Variants in TEN1 observed in about 807,000 individuals in gnomAD.
TEN1 encodes the protein CST complex subunit TEN1.
In TEN1, 6 loss-of-function variants were observed where a neutral mutation model predicts 9.3. That is an observed-to-expected ratio of 0.65 (90% confidence interval 0.35 to 1.27). The LOEUF (loss-of-function observed/expected upper bound fraction) is 1.27, where lower values mean the gene tolerates loss of function less well. Among genes scored for constraint, TEN1 ranks in the 50% most tolerant of loss-of-function variants. The pLI, the probability that TEN1 is intolerant of heterozygous loss-of-function variation, is 0.03. For missense variants in TEN1, 149 were observed against 158.2 expected (o/e 0.94, Z 0.31); for synonymous variants, 65 against 65.6 (o/e 0.99, Z 0.04).
intron 3 of TEN1, among the ~76,000 whole-genome samples, chr17:75,997,767 A>G (rs1438843053): frequency 6.6e-6 from 1 of 151,994 alleles, no homozygotes; most frequent in Non-Finnish European, 1.5e-5. Context: ...TGCTCCGTAT[A>G]ACCCCTTCCT....
chr17:75,979,865 T>TA (rs2066103023), intron 1 of TEN1, among the ~76,000 whole-genome samples: 1 of 151,098 alleles, frequency 6.6e-6, no homozygotes, highest in Non-Finnish European at 1.5e-5. Context: ...TGAGCGCTGT[T>TA]CAAGGGGTGG....
At position 76,000,052 on chromosome 17, in the gene TEN1, G is replaced by A. The variant is rs1284499734; in HGVS notation, c.251-89G>A. The A allele has an allele frequency of 2.0e-6, 3 of 1,501,466 alleles. No individual in the cohort carries two copies. Among genetic ancestry groups the A allele is most frequent in the African/African-American group, 2.8e-5 (2 of 72,230 alleles). 93.0% of individuals were successfully genotyped at this position (1,501,466 alleles called of 1,614,324 possible). A position where few individuals can be genotyped will look rare whatever the true frequency, so the allele number is the denominator to read the frequency against. On this transcript the variant is annotated intron_variant, in intron 3 of 3. Transcript: ENST00000397640. This position sits in a 1 kb window ranked among gnomAD's most constrained non-coding sequence, Gnocchi z 5.9. ...ACTTGCTGCCAAAACCCAGGACTGA[G>A]CTGTGGAGGGAACAGCTGGAATGCA...
chr17:75,983,723 G>A lies in TEN1; in HGVS notation c.-6-2464G>A, dbSNP rs191371845. Among the ~76,000 whole-genome samples the A allele has an allele frequency of 2.4e-3, 361 of 152,254 alleles. 2 individuals are homozygous for A. The highest frequency in any genetic ancestry group is 8.4e-3 in the African/African-American group (349 of 41,556). On this transcript the variant is annotated intron_variant, in intron 1 of 3. Coordinates refer to ENST00000397640, the MANE Select transcript of TEN1 (RefSeq NM_001113324.3). ...TAAATGTAGTTTCGGGGAAGGGGTG[G>A]TGGCAGCTAGGCAATGGGTGCTTGC...
In TEN1 at chr17:75,991,426, A is replaced by G. The variant is rs1348954110; in HGVS notation, c.93-40A>G. 16 of 1,547,678 alleles carry G rather than the reference A, an allele frequency of 1.0e-5. No individual in the cohort carries two copies. In the Admixed American group the frequency reaches 1.8e-4, roughly 17 times the overall value. On this transcript the variant is annotated intron_variant, in intron 2 of 3. Coordinates refer to ENST00000397640, the MANE Select transcript of TEN1 (RefSeq NM_001113324.3). Reference sequence around the variant, plus strand: ...ACCTTTTGAGCGTGGTGGTGATTCTACGTATGGATGGAAATTATTGCATTT... The same window carrying G: ...ACCTTTTGAGCGTGGTGGTGATTCTGCGTATGGATGGAAATTATTGCATTT...
intron 1 of TEN1, among the ~76,000 whole-genome samples, chr17:75,981,189 T>C (rs2066116763): frequency 7.7e-6 from 1 of 130,628 alleles, no homozygotes; most frequent in Non-Finnish European, 1.7e-5. Flanking sequence ...ACTTTAACGC[T>C]TTTTTTTTTT....
At chr17:75,994,538 C>T (rs1045104430) in intron 3 of TEN1, among the ~76,000 whole-genome samples, 2 of 151,506 alleles carry the variant, frequency 1.3e-5, no homozygotes, top group East Asian at 2.0e-4. Flanking sequence ...AGTGCAGTGG[C>T]GTGATCTCAG....
chr17:75,992,098 T>C (rs566872014), intron 3 of TEN1, among the ~76,000 whole-genome samples: 2 of 146,222 alleles, frequency 1.4e-5, no homozygotes, highest in African/African-American at 5.1e-5. Context: ...CAATCCCCCA[T>C]GGGGAAGTGA....
At chr17:75,989,751 G>C (rs2066173827) in intron 2 of TEN1, among the ~76,000 whole-genome samples, 1 of 151,406 alleles carries the variant, frequency 6.6e-6, no homozygotes, top group South Asian at 2.1e-4. Context: ...TAATTCAGTA[G>C]GGAAAGCATA....
At chr17:75,999,821 TG>T (rs1373067114) in intron 3 of TEN1, among the ~76,000 whole-genome samples, 1 of 152,032 alleles carries the variant, frequency 6.6e-6, no homozygotes, top group East Asian at 1.9e-4. Flanking sequence ...CTCAGTCTCT[TG>T]GATTTTTAAA....
intron 1 of TEN1, among the ~76,000 whole-genome samples, chr17:75,985,318 G>T (rs374589635): frequency 6.6e-6 from 1 of 151,696 alleles, no homozygotes; most frequent in East Asian, 2.0e-4. Context: ...GCCCATTTTT[G>T]TATTTTTTTT....
rs4479271 is a variant in TEN1 at position 75,987,691 on chromosome 17, C to T, written c.92+1407C>T. The stretch of plus-strand genomic sequence containing the variant: ...CAGCACTTTGGGAGGCCGAGGCAGG[C>T]GGATCACCTGAGGTCAGGAGTTTGA... On this transcript the variant is annotated intron_variant, in intron 2 of 3. Transcript: ENST00000397640. Among the ~76,000 whole-genome samples, 1,207 of 151,698 alleles carry T rather than the reference C, an allele frequency of 8.0e-3. 21 individuals carry two copies. Among genetic ancestry groups the T allele is most frequent in the African/African-American group, 0.028 (1,140 of 41,366 alleles).
At chr17:75,990,660 CCTGT>C (rs2066179214) in intron 2 of TEN1, among the ~76,000 whole-genome samples, 1 of 150,724 alleles carries the variant, frequency 6.6e-6, no homozygotes, top group South Asian at 2.1e-4. Flanking sequence ...ATAGCAAAAC[CCTGT>C]CTGTACAAAA....
chr17:75,980,321 A>G (rs535637561), intron 1 of TEN1, among the ~76,000 whole-genome samples: 2 of 152,308 alleles, frequency 1.3e-5, no homozygotes, highest in East Asian at 1.9e-4. Flanking sequence ...CCTGGGCAAC[A>G]TAGTGAGACC....
chr17:75,990,296 G>A (rs1041695852), intron 2 of TEN1, among the ~76,000 whole-genome samples: 2 of 151,768 alleles, frequency 1.3e-5, no homozygotes, highest in African/African-American at 4.8e-5. Flanking sequence ...TGATCCATCT[G>A]CCTTGGCCTC....
chr17:75,998,165 T>C (rs2066228398), intron 3 of TEN1, among the ~76,000 whole-genome samples: 1 of 148,054 alleles, frequency 6.8e-6, no homozygotes, highest in South Asian at 2.1e-4. Context: ...TTCCTTTTTT[T>C]TTCCTTTTTT....
At position 75,991,640 on chromosome 17, in the gene TEN1, G is replaced by T; in HGVS notation, c.250+17G>T. On this transcript the variant is annotated intron_variant, in intron 3 of 3. Coordinates refer to ENST00000397640, the MANE Select transcript of TEN1 (RefSeq NM_001113324.3). ...ATCAGCAGGGTGAGCTGCAGCCTCA[G>T]ATCCCCTTTCTCATCCTGGGGCCTG... 1 of 1,549,506 alleles carries T rather than the reference G, an allele frequency of 6.5e-7. No individual in the cohort carries two copies. The highest frequency in any genetic ancestry group is 8.7e-7 in the Non-Finnish European group (1 of 1,145,948).
chr17:75,992,272 C>T (rs2066190848), intron 3 of TEN1, among the ~76,000 whole-genome samples: 1 of 151,730 alleles, frequency 6.6e-6, no homozygotes. Context: ...TCTCTGTTAC[C>T]CAGGCTGGAG....
chr17:75,979,253 A>T lies in TEN1; in HGVS notation c.-265A>T, dbSNP rs2066093542. 1 of 829,176 alleles carries T rather than the reference A, an allele frequency of 1.2e-6. No individual in the cohort carries two copies. The highest frequency in any genetic ancestry group is 3.3e-4 in the Middle Eastern group (1 of 2,998). 51.4% of individuals were successfully genotyped at this position (829,176 alleles called of 1,614,324 possible). On this transcript the variant is annotated 5_prime_UTR_variant, in exon 1 of 4. Transcript: ENST00000397640. ...TTTCTCCGTGGCCCTTTGGCGCGTG[A>T]GTGACAGCGGCCCAGACAGAGGGGG...
At chr17:75,989,957 G>A (rs2066175401) in intron 2 of TEN1, among the ~76,000 whole-genome samples, 1 of 149,750 alleles carries the variant, frequency 6.7e-6, no homozygotes, top group African/African-American at 2.5e-5. Context: ...GTATTGCCCA[G>A]GCTGGTCTCT....
Sources: allele counts gnomAD v4.1 joint callset (sites outside exome capture counted in the v4.1 genomes callset), GRCh38; gene constraint gnomAD v4.1.1; non-coding constraint Gnocchi (gnomAD v3.1); transcripts MANE v1.5; gene names NCBI Gene and HGNC (gene_info 2026-07-23, HGNC 2026-07-21).